ZNF133: variants seen among roughly 807,000 people sequenced by gnomAD.
ZNF133 encodes the protein zinc finger protein 133, also known as zinc finger protein 133 (clone pHZ-13).
In ZNF133, 26 loss-of-function variants were observed where a neutral mutation model predicts 54.9. That is an observed-to-expected ratio of 0.47 (90% CI 0.35 to 0.66). The LOEUF (loss-of-function observed/expected upper bound fraction) is 0.66. ZNF133 is among the 30% of genes least tolerant of loss of function. The pLI is 0.01. For missense variants in ZNF133, 653 were observed against 820.8 expected (o/e 0.80, Z 2.50); for synonymous variants, 298 against 320.3 (o/e 0.93, Z 0.74).
At position 18,315,449 on chromosome 20, in the gene ZNF133, G is replaced by A; in HGVS notation, c.598G>A (p.Asp200Asn). ...PAQSGNPEET[D>N]KLLKRIEVLG... ...TCAGTCAGGGAACCCTGAGGAAACA[G>A]ACAAATTGTTGAAGAGGATAGAAGT... Residue 200 changes from aspartate (D) to asparagine (N), a missense_variant, in exon 7 of 7, where the codon GAC becomes AAC. Around this residue, in one of 4 missense-constraint regions of ZNF133, gnomAD observed 292 missense variants for 431.6 expected, o/e 0.68. Transcript: ENST00000425686. 1.2e-6 allele frequency: 2 copies of A among 1,614,218 alleles called. No individual in the cohort carries two copies. Among genetic ancestry groups the A allele is most frequent in the Non-Finnish European group, 1.7e-6 (2 of 1,180,046 alleles).
In ZNF133 at chr20:18,305,531, G is replaced by A; in HGVS notation, c.-6-150G>A. On this transcript the variant is annotated intron_variant, in intron 4 of 6. Transcript: ENST00000425686. This position sits in a 1 kb window ranked among gnomAD's most constrained non-coding sequence, Gnocchi z 4.7. ...AAATGCCACTGGCTGGATTGAGACAGGGATTTAAAAGTCTTGGAACACATG... is the reference window on the plus strand; with the variant it reads ...AAATGCCACTGGCTGGATTGAGACAAGGATTTAAAAGTCTTGGAACACATG... 4.4e-6 allele frequency: 5 copies of A among 1,131,026 alleles called. No individual in the cohort carries two copies. The highest frequency in any genetic ancestry group is 6.2e-6 in the Non-Finnish European group (5 of 800,686). 70.1% of individuals were successfully genotyped at this position (1,131,026 alleles called of 1,614,324 possible). A position where few individuals can be genotyped will look rare whatever the true frequency, so the allele number is the denominator to read the frequency against.
intron 6 of ZNF133, chr20:18,314,521 T>C (rs1013321545): frequency 5.3e-5 from 8 of 152,228 alleles, no homozygotes; most frequent in African/African-American, 1.9e-4. Flanking sequence ...CTAACAAATC[T>C]TTGTTGAGTG....
In ZNF133 at chr20:18,298,318, G is replaced by A. The variant is rs760232726; in HGVS notation, c.-324G>A. 3.8e-5 allele frequency: 51 copies of A among 1,331,712 alleles called. No homozygotes were observed. In the South Asian group the frequency reaches 5.5e-4, roughly 14 times the overall value. The allele number at this position is 1,331,712 out of a possible 1,614,324, so 82.5% of individuals were successfully genotyped here. On this transcript the variant is annotated 5_prime_UTR_variant, in exon 3 of 7. Transcript: ENST00000425686. ...AAAAGTTCTGCTGCCTGAGAGTAAC[G>A]TCACAGTAATGGAACGGGAAGATTC...
At chr20:18,289,153 G>T (rs1041473860) in intron 1 of ZNF133, among the ~76,000 whole-genome samples, 1 of 152,096 alleles carries the variant, frequency 6.6e-6, no homozygotes, top group African/African-American at 2.4e-5. Flanking sequence ...GCCAAGGTTA[G>T]ACTGGATCTG....
At chr20:18,297,048 G>C (rs1017836308) in intron 1 of ZNF133, among the ~76,000 whole-genome samples, 12 of 152,076 alleles carry the variant, frequency 7.9e-5, no homozygotes, top group African/African-American at 2.4e-4. Flanking sequence ...ATATCCCATA[G>C]GCCCTTTCAT....
intron 1 of ZNF133, among the ~76,000 whole-genome samples, chr20:18,288,959 T>A (rs868036747): frequency 1.3e-5 from 2 of 151,626 alleles, no homozygotes; most frequent in Middle Eastern, 3.2e-3. Flanking sequence ...AAGTCCCCGG[T>A]TTTGGGGGAG....
intron 1 of ZNF133, among the ~76,000 whole-genome samples, 184 bp from the exon 2 acceptor site, chr20:18,297,801 A>C (rs950225607): frequency 6.6e-6 from 1 of 151,780 alleles, no homozygotes; most frequent in Non-Finnish European, 1.5e-5. Flanking sequence ...AAGACCCTGG[A>C]TTACTCTCTC....
rs1267925411 is a variant in ZNF133, at chr20:18,306,400, G to T, written c.217+7G>T. On this transcript the variant is annotated splice_region_variant and intron_variant, in intron 6 of 6. Coordinates refer to ENST00000425686, the MANE Select transcript of ZNF133 (RefSeq NM_001352452.2). ...TCACCGGCAACCTGTCCAGGTGAGT[G>T]GGAAAACACTGGACAAATGAGACAT... 5 of 1,611,390 alleles carry T rather than the reference G, an allele frequency of 3.1e-6. No individual in the cohort carries two copies. Among genetic ancestry groups the T allele is most frequent in the Non-Finnish European group, 1.7e-6 (2 of 1,178,370 alleles).
intron 1 of ZNF133, among the ~76,000 whole-genome samples, chr20:18,288,967 G>T (rs769059138): frequency 2.0e-5 from 3 of 152,160 alleles, no homozygotes; most frequent in Non-Finnish European, 4.4e-5. Flanking sequence ...GGTTTTGGGG[G>T]AGTTGAATAA....
chr20:18,304,004 A>T (rs1780495489), intron 3 of ZNF133, among the ~76,000 whole-genome samples: 1 of 152,226 alleles, frequency 6.6e-6, no homozygotes, highest in Non-Finnish European at 1.5e-5. Flanking sequence ...TGCAAGTCAC[A>T]TATCTGATAA....
Position 18,305,873 on chromosome 20 carries a change from G to C in ZNF133, c.121+66G>C. 6.4e-7 allele frequency: 1 copy of C among 1,552,308 alleles called. No individual in the cohort carries two copies. Among genetic ancestry groups the C allele is most frequent in the Non-Finnish European group, 8.7e-7 (1 of 1,147,316 alleles). On this transcript the variant is annotated intron_variant, in intron 5 of 6. Coordinates refer to ENST00000425686, the MANE Select transcript of ZNF133 (RefSeq NM_001352452.2). The surrounding 1 kb of genome is among the most constrained non-coding windows in gnomAD (Gnocchi z 4.7). The stretch of plus-strand genomic sequence containing the variant: ...GGAATTTTAGGCTATGCTTGAAGCA[G>C]CCATCTTGCTTTGTTACTTGACCTT...
In ZNF133 at chr20:18,316,487, A is replaced by T; in HGVS notation, c.1636A>T (p.Arg546Trp). The change falls in exon 7 of 7, where the codon AGG becomes TGG. Residue 546 changes from arginine (R) to tryptophan (W), a missense_variant. Coordinates refer to ENST00000425686, the MANE Select transcript of ZNF133 (RefSeq NM_001352452.2). ...GLIRHKRKHS[R>W]EKPYMCRQCG... Reference sequence around the variant, plus strand: ...CATCAGGCACAAGCGGAAGCACTCGAGGGAGAAGCCCTACATGTGCAGGCA... The same window carrying T: ...CATCAGGCACAAGCGGAAGCACTCGTGGGAGAAGCCCTACATGTGCAGGCA... The T allele has an allele frequency of 3.1e-6, 5 of 1,614,090 alleles. No homozygotes were observed. The highest frequency in any genetic ancestry group is 4.2e-6 in the Non-Finnish European group (5 of 1,180,016).
chr20:18,291,313 CAA>C (rs1291702060), intron 1 of ZNF133, among the ~76,000 whole-genome samples: 2 of 152,072 alleles, frequency 1.3e-5, no homozygotes, highest in Admixed American at 1.3e-4. Flanking sequence ...CAAGTGACAC[CAA>C]AAAATATTCT....
chr20:18,306,489 G>C (rs907706566), intron 6 of ZNF133, 96 bp downstream of exon 6: 4 of 1,267,034 alleles, frequency 3.2e-6, no homozygotes, highest in Non-Finnish European at 4.5e-6. Flanking sequence ...GAGGGAAGCT[G>C]TTCCCCTGAC....
intron 6 of ZNF133, 67 bp downstream of exon 6, chr20:18,306,460 G>A (rs41276428): frequency 6.7e-7 from 1 of 1,502,514 alleles, no homozygotes; most frequent in Non-Finnish European, 9.2e-7. Context: ...GGGAGAGGAG[G>A]CGTTGCTCAG....
chr20:18,306,938 G>C (rs1032188365), intron 6 of ZNF133: 1 of 222,076 alleles, frequency 4.5e-6, no homozygotes, highest in African/African-American at 2.3e-5. Flanking sequence ...GAAAAAGTTT[G>C]CTGGCCCATG....
chr20:18,299,928 AC>A (rs1199578306), intron 3 of ZNF133, among the ~76,000 whole-genome samples: 2 of 152,196 alleles, frequency 1.3e-5, no homozygotes. Flanking sequence ...CACTAGACCT[AC>A]CCTACAAGAA....
At chr20:18,298,919 G>C (rs2042782626) in intron 3 of ZNF133, among the ~76,000 whole-genome samples, 2 of 152,066 alleles carry the variant, frequency 1.3e-5, no homozygotes, top group African/African-American at 4.8e-5. Flanking sequence ...TACACCTCAG[G>C]CTGATTCTTA....
chr20:18,297,874 C>T, intron 1 of ZNF133, 111 bp from the exon 2 acceptor site: 1 of 648,700 alleles, frequency 1.5e-6, no homozygotes, highest in Non-Finnish European at 2.6e-6. Context: ...TTTATACTTT[C>T]CCCATTATGC....
Sources: allele counts gnomAD v4.1 joint callset (sites outside exome capture counted in the v4.1 genomes callset), GRCh38; gene constraint gnomAD v4.1.1; regional missense constraint gnomAD v4.1.1; non-coding constraint Gnocchi (gnomAD v3.1); transcripts MANE v1.5; gene names NCBI Gene and HGNC (gene_info 2026-07-23, HGNC 2026-07-21).